PCDHGB4: variants seen among roughly 807,000 people sequenced by gnomAD.
PCDHGB4 encodes protocadherin gamma-B4.
PCDHGB4 carries 38 observed loss-of-function variants against 60.5 expected under a neutral mutation model. The ratio of observed to expected loss-of-function variants is 0.63; its 90% CI spans 0.48 to 0.82. PCDHGB4 has a LOEUF of 0.82. Ranked by LOEUF, PCDHGB4 falls within the 40% of genes least tolerant of loss-of-function variation. The pLI, the probability that PCDHGB4 is intolerant of heterozygous loss-of-function variation, is 0.00. For missense variants in PCDHGB4, 1,109 were observed against 1,209.6 expected, an observed-to-expected ratio of 0.92 and a Z score of 1.23; for synonymous variants, 456 against 509.7, an observed-to-expected ratio of 0.89 and a Z score of 1.42.
At chr5:141,395,315 G>A in intron 1 of PCDHGB4, 1 of 1,486,272 alleles carries the variant, frequency 6.7e-7, no homozygotes, top group Middle Eastern at 1.8e-4. Context: ...AAAACATTGT[G>A]AAGATAGTTG....
At chr5:141,456,827 G>A (rs183303757) in intron 1 of PCDHGB4, among the ~76,000 whole-genome samples, 13 of 152,236 alleles carry the variant, frequency 8.5e-5, no homozygotes, top group South Asian at 2.1e-4. Flanking sequence ...AGCCATCGTG[G>A]TAGTGGGCGC....
intron 2 of PCDHGB4, among the ~76,000 whole-genome samples, chr5:141,502,152 C>T (rs1306227782): frequency 2.0e-5 from 3 of 152,128 alleles, no homozygotes; most frequent in African/African-American, 4.8e-5. Flanking sequence ...AAGTAAGGAC[C>T]CCAGATATTC....
chr5:141,413,343 G>A, intron 1 of PCDHGB4: 12 of 1,613,994 alleles, frequency 7.4e-6, no homozygotes, highest in Non-Finnish European at 1.0e-5. Context: ...CCAAGGACTT[G>A]GGTCTGGCGC....
chr5:141,427,096 T>A, intron 1 of PCDHGB4: 1 of 458,056 alleles, frequency 2.2e-6, no homozygotes, highest in Non-Finnish European at 4.4e-6. Flanking sequence ...GATGAGGGTG[T>A]CAATGCGGAG....
chr5:141,495,470 C>A (rs2099761615), intron 2 of PCDHGB4, among the ~76,000 whole-genome samples: 1 of 152,196 alleles, frequency 6.6e-6, no homozygotes, highest in African/African-American at 2.4e-5. Flanking sequence ...GTGGGGTCTC[C>A]GTGTCTCTGC....
chr5:141,448,756 C>T (rs938202200), intron 1 of PCDHGB4, among the ~76,000 whole-genome samples: 1 of 151,742 alleles, frequency 6.6e-6, no homozygotes, highest in African/African-American at 2.4e-5. Context: ...CTGGCTAACA[C>T]GGTGAAACCC....
chr5:141,390,509 A>G, intron 1 of PCDHGB4: 1 of 590,022 alleles, frequency 1.7e-6, no homozygotes, highest in Non-Finnish European at 2.9e-6. Flanking sequence ...GCTTAGATTT[A>G]TAAAGCAATG....
intron 1 of PCDHGB4, chr5:141,405,281 G>A (rs1001215863): frequency 1.2e-6 from 2 of 1,614,158 alleles, no homozygotes; most frequent in Non-Finnish European, 1.7e-6. Flanking sequence ...CAACTATGCA[G>A]ACACACTCAT....
rs2233613 is a variant in PCDHGB4 at position 141,511,203 on chromosome 5, G to A, written c.*30G>A. 0.14 allele frequency: 222,603 copies of A among 1,611,360 alleles called. 15,640 individuals carry two copies. The highest frequency in any genetic ancestry group is 0.18 in the Admixed American group (10,873 of 59,374). ...GAGGCCAGGCCAAGAGCCACAGGGC[G>A]GCCTCTCCCCAACCAGCCCAGCTTC... On this transcript the variant is annotated 3_prime_UTR_variant, in exon 4 of 4. Transcript: ENST00000519479.
Position 141,432,691 on chromosome 5 carries a change from G to T in PCDHGB4, c.2397+42410G>T. 1 of 1,613,942 alleles carries T rather than the reference G, an allele frequency of 6.2e-7. No individual in the cohort carries two copies. The highest frequency in any genetic ancestry group is 1.1e-5 in the South Asian group (1 of 91,068). On this transcript the variant is annotated intron_variant, in intron 1 of 3. Coordinates refer to ENST00000519479, the MANE Select transcript of PCDHGB4 (RefSeq NM_003736.4). This position sits in a 1 kb window ranked among gnomAD's most constrained non-coding sequence, Gnocchi z 6.0. ...ACGCGCTCAAGCAGAGCCTCGTAGT[G>T]GCCGTCCAGGACCACGGCCAGCCCC... is the stretch of plus-strand genomic sequence containing the variant.
chr5:141,487,475 C>T lies in PCDHGB4; in HGVS notation c.2398-7332C>T, dbSNP rs781308835. On this transcript the variant is annotated intron_variant, in intron 1 of 3. Coordinates refer to ENST00000519479, the MANE Select transcript of PCDHGB4 (RefSeq NM_003736.4). The surrounding 1 kb of genome is among the most constrained non-coding windows in gnomAD (Gnocchi z 5.0). ...TATCAAGTTTGTTGATGTGGGAGGC[C>T]ACTCTCATGGCTGTACACCCTTGGC... 1.2e-6 allele frequency: 2 copies of T among 1,614,156 alleles called. No homozygotes were observed. Among genetic ancestry groups the T allele is most frequent in the South Asian group, 1.1e-5 (1 of 91,080 alleles).
chr5:141,450,755 G>A (rs556795021), intron 1 of PCDHGB4, among the ~76,000 whole-genome samples: 8 of 152,040 alleles, frequency 5.3e-5, no homozygotes, highest in Admixed American at 1.3e-4. Context: ...CCAAAGTGCC[G>A]GGATTACAGG....
At chr5:141,453,101 TTTTTGTTTTG>T (rs879618609) in intron 1 of PCDHGB4, among the ~76,000 whole-genome samples, 16 of 152,130 alleles carry the variant, frequency 1.1e-4, no homozygotes, top group Middle Eastern at 3.4e-3. Flanking sequence ...TTCTGTTGCT[TTTTTGTTTTG>T]TTTTGTTTTG....
At position 141,476,458 on chromosome 5, in the gene PCDHGB4, C is replaced by A. The variant is rs368153419; in HGVS notation, c.2398-18349C>A. Reference sequence around the variant, plus strand: ...TAACTCTGGAGTTGGTAGTGGAGAACCCGCTGGAGCTGTTCAGCGTGGAAG... The same window carrying A: ...TAACTCTGGAGTTGGTAGTGGAGAAACCGCTGGAGCTGTTCAGCGTGGAAG... On this transcript the variant is annotated intron_variant, in intron 1 of 3. Transcript: ENST00000519479. This position sits in a 1 kb window ranked among gnomAD's most constrained non-coding sequence, Gnocchi z 7.6. 1 of 1,613,928 alleles carries A rather than the reference C, an allele frequency of 6.2e-7. No individual in the cohort carries two copies. Among genetic ancestry groups the A allele is most frequent in the Non-Finnish European group, 8.5e-7 (1 of 1,180,022 alleles).
intron 1 of PCDHGB4, chr5:141,394,458 A>C (rs776488659): frequency 6.2e-7 from 1 of 1,614,100 alleles, no homozygotes; most frequent in Non-Finnish European, 8.5e-7. Context: ...CATGTCACTG[A>C]GCCTGTTCGT....
intron 1 of PCDHGB4, chr5:141,471,461 T>C (rs1409374601): frequency 6.6e-6 from 1 of 152,194 alleles, no homozygotes; most frequent in Non-Finnish European, 1.5e-5. Flanking sequence ...GAAAGATTAC[T>C]CAGGTCTCTG....
chr5:141,490,331 C>G lies in PCDHGB4; in HGVS notation c.2398-4476C>G. 6.2e-7 allele frequency: 1 copy of G among 1,614,214 alleles called. No individual in the cohort carries two copies. The highest frequency in any genetic ancestry group is 1.1e-5 in the South Asian group (1 of 91,086). The stretch of plus-strand genomic sequence containing the variant: ...GCCAACCCTGTCCTAGAGAGCACAC[C>G]AGTGGGCACAGTAGTGGGGTTGTTT... On this transcript the variant is annotated intron_variant, in intron 1 of 3. Transcript: ENST00000519479. This position sits in a 1 kb window ranked among gnomAD's most constrained non-coding sequence, Gnocchi z 5.4.
intron 1 of PCDHGB4, chr5:141,409,996 G>A (rs1561724976): frequency 6.2e-7 from 1 of 1,613,132 alleles, no homozygotes; most frequent in Non-Finnish European, 8.5e-7. Context: ...ACGCCGACTC[G>A]GGACACAACG....
rs558609501 is a variant in PCDHGB4, at chr5:141,487,648, G to C, written c.2398-7159G>C. On this transcript the variant is annotated intron_variant, in intron 1 of 3. Coordinates refer to ENST00000519479, the MANE Select transcript of PCDHGB4 (RefSeq NM_003736.4). This position sits in a 1 kb window ranked among gnomAD's most constrained non-coding sequence, Gnocchi z 5.0. ...CTTTGCAGGCTCAACAAATGCTTGA[G>C]GGTTATTCTGATCCAGGCATATGGC... is the stretch of plus-strand genomic sequence containing the variant. 34 of 1,613,904 alleles carry C rather than the reference G, an allele frequency of 2.1e-5. 1 individual carries two copies. The South Asian group carries it at 3.6e-4, about 17-fold the overall frequency.
Sources: gnomAD v4.1 joint callset for allele counts (sites outside exome capture counted in the v4.1 genomes callset) on GRCh38, gnomAD v4.1.1 for gene constraint, Gnocchi (gnomAD v3.1) non-coding constraint, MANE v1.5 for transcripts, NCBI Gene and HGNC (gene_info 2026-07-23, HGNC 2026-07-21) for gene names.